The following GFRAL variants were observed in gnomAD, a reference collection of about 807,000 sequenced individuals.
GFRAL encodes GDNF family receptor alpha-like.
A neutral mutation model predicts 45.4 loss-of-function variants in GFRAL; 36 were observed. That is an observed-to-expected ratio of 0.79 (90% CI 0.61 to 1.05). The LOEUF (loss-of-function observed/expected upper bound fraction) is 1.05, where lower values mean the gene tolerates loss of function less well. GFRAL is among the 50% of genes least tolerant of loss of function. GFRAL has a pLI of 0.00. For synonymous variants in GFRAL, 166 were observed against 154.1 expected (o/e 1.08, Z -0.57); for missense variants, 507 against 467.5 (o/e 1.08, Z -0.78).
intron 6 of GFRAL, among the ~76,000 whole-genome samples, chr6:55,372,629 G>C (rs756163034): frequency 4.6e-5 from 7 of 152,092 alleles, no homozygotes; most frequent in Non-Finnish European, 1.0e-4. Flanking sequence ...AGTCATAAAG[G>C]AGCATTTTAT....
intron 3 of GFRAL, among the ~76,000 whole-genome samples, chr6:55,349,231 T>G (rs1274379744): frequency 6.6e-6 from 1 of 152,132 alleles, no homozygotes; most frequent in East Asian, 1.9e-4. Flanking sequence ...CCATCTTATA[T>G]GTGCACTAGA....
chr6:55,371,347 G>A (rs1768447887), intron 6 of GFRAL, among the ~76,000 whole-genome samples: 4 of 151,990 alleles, frequency 2.6e-5, no homozygotes, highest in Admixed American at 2.6e-4. Context: ...GACAATTTAT[G>A]GAATTATTTT....
At chr6:55,365,351 G>T (rs879264638) in intron 6 of GFRAL, among the ~76,000 whole-genome samples, 4,408 of 131,646 alleles carry the variant, frequency 0.033, 66 homozygotes, top group African/African-American at 0.063. Flanking sequence ...TGAGACAATG[G>T]GGTTTTCTAG....
chr6:55,362,875 AAGGAAGGGGC>A (rs1415825495), intron 6 of GFRAL, among the ~76,000 whole-genome samples: 1 of 151,366 alleles, frequency 6.6e-6, no homozygotes, highest in Non-Finnish European at 1.5e-5. Flanking sequence ...GGAAGAGGAA[AAGGAAGGGGC>A]AGGAAGGGAG....
chr6:55,384,726 G>T (rs555471060), intron 6 of GFRAL, among the ~76,000 whole-genome samples: 35 of 152,138 alleles, frequency 2.3e-4, no homozygotes, highest in Non-Finnish European at 4.6e-4. Flanking sequence ...ATTTGAGTAA[G>T]TCATATTTTC....
chr6:55,358,588 T>C (rs1460943325), intron 5 of GFRAL, among the ~76,000 whole-genome samples: 1 of 152,002 alleles, frequency 6.6e-6, no homozygotes, highest in African/African-American at 2.4e-5. Flanking sequence ...CTGAAGCAGT[T>C]CATGCCTCAA....
chr6:55,327,486 T>C lies in GFRAL; in HGVS notation c.-69T>C, dbSNP rs1767780360. 4 of 1,561,136 alleles carry C rather than the reference T, an allele frequency of 2.6e-6. No homozygotes were observed. The highest frequency in any genetic ancestry group is 1.7e-4 in the Middle Eastern group (1 of 5,952). ...CTGAAGCCTTATTCTGGACAGTTACTCTTAAGAAAGTTGTCAGAAGAAACG... is the reference window on the plus strand; with the variant it reads ...CTGAAGCCTTATTCTGGACAGTTACCCTTAAGAAAGTTGTCAGAAGAAACG... On this transcript the variant is annotated 5_prime_UTR_variant, in exon 1 of 9. Transcript: ENST00000340465.
At chr6:55,367,406 CTG>C (rs1314557719) in intron 6 of GFRAL, among the ~76,000 whole-genome samples, 1 of 144,716 alleles carries the variant, frequency 6.9e-6, no homozygotes, top group Non-Finnish European at 1.5e-5. Flanking sequence ...ATTTGCCAGT[CTG>C]TGTTTTTTAA....
intron 8 of GFRAL, among the ~76,000 whole-genome samples, chr6:55,401,369 A>G (rs1768894041): frequency 6.6e-6 from 1 of 152,170 alleles, no homozygotes; most frequent in Non-Finnish European, 1.5e-5. Flanking sequence ...GAGATAAATA[A>G]TGCTCCCTAA....
In GFRAL at chr6:55,329,064, T is replaced by G. The variant is rs182612911; in HGVS notation, c.22+1488T>G. 2.6e-4 allele frequency among the ~76,000 whole-genome samples: 40 copies of G among 152,188 alleles called. 1 individual carries two copies. Among genetic ancestry groups the G allele is most frequent in the Non-Finnish European group, 2.5e-4 (17 of 67,936 alleles). On this transcript the variant is annotated intron_variant, in intron 1 of 8. Coordinates refer to ENST00000340465, the MANE Select transcript of GFRAL (RefSeq NM_207410.2). ...CTTATTAATTTAAAAATAGAAGTTA[T>G]TTTTCATTGAGTATTACAGGAAAAT... is the stretch of plus-strand genomic sequence containing the variant.
Position 55,327,533 on chromosome 6 carries a change from G to T in GFRAL, c.-22G>T. 1.2e-6 allele frequency: 2 copies of T among 1,611,790 alleles called. No homozygotes were observed. Among genetic ancestry groups the T allele is most frequent in the Non-Finnish European group, 1.7e-6 (2 of 1,178,748 alleles). ...AACGCATCTGCCTTTTTTTCCAGGT[G>T]AACTGCCGTGAGTTGTCCAGCATGA... On this transcript the variant is annotated 5_prime_UTR_variant, in exon 1 of 9. Transcript: ENST00000340465.
intron 6 of GFRAL, among the ~76,000 whole-genome samples, chr6:55,370,460 A>T (rs1768435837): frequency 6.6e-6 from 1 of 152,212 alleles, no homozygotes; most frequent in Non-Finnish European, 1.5e-5. Context: ...CTTATTTTTT[A>T]CTGCTATGTA....
At chr6:55,378,274 G>A (rs1333198186) in intron 6 of GFRAL, among the ~76,000 whole-genome samples, 3 of 152,058 alleles carry the variant, frequency 2.0e-5, no homozygotes, top group Non-Finnish European at 4.4e-5. Flanking sequence ...TGGTGGGGAA[G>A]GAAGGCAAAT....
intron 3 of GFRAL, among the ~76,000 whole-genome samples, chr6:55,342,306 G>T (rs549668095): frequency 2.0e-5 from 3 of 152,296 alleles, no homozygotes; most frequent in Non-Finnish European, 4.4e-5. Flanking sequence ...GGGAGGCCCA[G>T]CAGACTAACA....
intron 6 of GFRAL, among the ~76,000 whole-genome samples, chr6:55,392,349 A>C (rs1768764336): frequency 1.3e-5 from 2 of 152,218 alleles, no homozygotes; most frequent in African/African-American, 4.8e-5. Flanking sequence ...CTAGCTTTGA[A>C]GTAGGAAGTA....
intron 6 of GFRAL, among the ~76,000 whole-genome samples, chr6:55,376,491 G>T (rs1019985453): frequency 6.6e-6 from 1 of 151,898 alleles, no homozygotes; most frequent in South Asian, 2.1e-4. Context: ...ATCTTGCTTG[G>T]TAGGCTATTT....
intron 5 of GFRAL, among the ~76,000 whole-genome samples, chr6:55,354,986 T>A (rs1459789788): frequency 1.3e-5 from 2 of 151,972 alleles, no homozygotes; most frequent in Admixed American, 6.6e-5. Flanking sequence ...TCTGGGTATT[T>A]ACAGAAAATT....
chr6:55,399,067 A>G (rs1054087068), intron 6 of GFRAL, 113 bp from the exon 7 acceptor site: 11 of 556,898 alleles, frequency 2.0e-5, no homozygotes, highest in Non-Finnish European at 3.4e-5. Flanking sequence ...TATCAGATTA[A>G]AATAATGTAA....
At chr6:55,392,358 T>A (rs1283888043) in intron 6 of GFRAL, among the ~76,000 whole-genome samples, 1 of 152,232 alleles carries the variant, frequency 6.6e-6, no homozygotes, top group Non-Finnish European at 1.5e-5. Context: ...AAGTAGGAAG[T>A]AATTACTTAC....
Sources: allele counts gnomAD v4.1 joint callset (sites outside exome capture counted in the v4.1 genomes callset), GRCh38; gene constraint gnomAD v4.1.1; transcripts MANE v1.5; gene names NCBI Gene and HGNC (gene_info 2026-07-23, HGNC 2026-07-21).